Variants in CLEC18A observed in about 807,000 individuals in gnomAD.
CLEC18A encodes the protein mannose receptor-like 1.
Under a neutral mutation model 24.0 loss-of-function variants are expected in CLEC18A, and 5 were observed. The ratio of observed to expected loss-of-function variants is 0.21; its 90% CI spans 0.11 to 0.44. CLEC18A has a LOEUF of 0.44. Ranked by LOEUF, CLEC18A falls within the 20% of genes least tolerant of loss-of-function variation. The pLI is 0.99. For synonymous variants in CLEC18A, 29 were observed against 100.1 expected (o/e 0.29, Z 4.24); for missense variants, 83 against 233.4 (o/e 0.36, Z 4.20).
chr16:69,944,709 G>A, the CLEC18A span, among the ~76,000 whole-genome samples: 3 of 140,708 alleles, frequency 2.1e-5, no homozygotes, highest in African/African-American at 8.4e-5. Flanking sequence ...GGTGGTGGGT[G>A]CCTGTAGTCC....
upstream of CLEC18A, among the ~76,000 whole-genome samples, chr16:69,950,215 C>T (rs552907543): frequency 1.6e-5 from 2 of 125,984 alleles, 1 homozygote; most frequent in Non-Finnish European, 3.8e-5. Flanking sequence ...GCCAACCCTA[C>T]CTGCATCTCA....
upstream of CLEC18A, among the ~76,000 whole-genome samples, chr16:69,950,357 G>C (rs1389116175): frequency 7.8e-6 from 1 of 128,902 alleles, no homozygotes; most frequent in African/African-American, 2.5e-5. Flanking sequence ...ATAACCTTTG[G>C]TCTTCCCCGA....
intron 2 of CLEC18A, chr16:69,953,025 A>G (rs2058975984): frequency 1.4e-5 from 2 of 147,528 alleles, no homozygotes; most frequent in African/African-American, 5.2e-5. Context: ...GTGGTTGGGT[A>G]CTCCTGCCTG....
At chr16:69,955,187 G>C (rs558698882) in intron 3 of CLEC18A, among the ~76,000 whole-genome samples, 9 of 151,780 alleles carry the variant, frequency 5.9e-5, no homozygotes, top group African/African-American at 1.9e-4. Flanking sequence ...ATTTTTAGTA[G>C]AGACAGGGTT....
chr16:69,945,358 G>A, the CLEC18A span, among the ~76,000 whole-genome samples: 1 of 151,938 alleles, frequency 6.6e-6, no homozygotes, highest in Non-Finnish European at 1.5e-5. Context: ...TATATGTCTT[G>A]TCCTTTTTCC....
chr16:69,953,319 C>A (rs2058981851), intron 2 of CLEC18A: 1 of 151,268 alleles, frequency 6.6e-6, no homozygotes, highest in Non-Finnish European at 1.5e-5. Context: ...AGAGGTAAAA[C>A]CCCGATGGAC....
rs1314732193 is a variant in CLEC18A at position 69,963,620 on chromosome 16, C to T, written c.*9C>T. 4 of 1,605,080 alleles carry T rather than the reference C, an allele frequency of 2.5e-6. No individual in the cohort carries two copies. Among genetic ancestry groups the T allele is most frequent in the Non-Finnish European group, 2.6e-6 (3 of 1,176,396 alleles). ...GGGGCCCAGGGTCCTGAGGCCTGAC[C>T]ACATGGCTCCCTCGCCTGCCCTGGG... On this transcript the variant is annotated 3_prime_UTR_variant, in exon 12 of 12. Coordinates refer to ENST00000288040, the MANE Select transcript of CLEC18A (RefSeq NM_001370523.4).
In CLEC18A at chr16:69,951,451, TG is replaced by T. The variant is rs1206620909; in HGVS notation, c.87del (p.Trp29CysfsTer15). ...CCTTGGCACCGCCTGGGCAGAGGTG[TG>T]GCCACCCCAGCTGCAGGAGCAGGCT... is the stretch of plus-strand genomic sequence containing the variant. ...ALLGTAWAEV[W>X]PPQLQEQAPM... On this transcript the variant is annotated frameshift_variant, in exon 1 of 12. Transcript: ENST00000288040. LOFTEE classifies it high-confidence loss of function. 4.3e-6 allele frequency: 7 copies of T among 1,611,258 alleles called. No homozygotes were observed. In the African/African-American group the frequency reaches 8.0e-5, roughly 18 times the overall value.
At chr16:69,954,910 G>A (rs1446351114) in intron 3 of CLEC18A, among the ~76,000 whole-genome samples, 5 of 152,100 alleles carry the variant, frequency 3.3e-5, no homozygotes, top group Non-Finnish European at 5.9e-5. Context: ...ATGTTGGCCA[G>A]GTTGGTCTTG....
chr16:69,948,963 C>T (rs1340597120), upstream of CLEC18A, among the ~76,000 whole-genome samples: 1 of 15,362 alleles, frequency 6.5e-5, no homozygotes, highest in Non-Finnish European at 9.9e-5. Context: ...TTTGAGGGGT[C>T]GGGGGTGGGA....
At chr16:69,957,344 A>C (rs2059052095) in intron 3 of CLEC18A, among the ~76,000 whole-genome samples, 1 of 115,044 alleles carries the variant, frequency 8.7e-6, no homozygotes. Context: ...TGTATTTGTA[A>C]TAGAGATGGG....
the CLEC18A span, among the ~76,000 whole-genome samples, chr16:69,945,169 C>T: frequency 4.7e-5 from 7 of 147,724 alleles, no homozygotes; most frequent in East Asian, 2.0e-4. Context: ...ACGTGCCTAT[C>T]GTCCTACCTG....
At chr16:69,948,682 C>G, upstream of CLEC18A, among the ~76,000 whole-genome samples, 1 of 146,568 alleles carries the variant, frequency 6.8e-6, no homozygotes, top group Non-Finnish European at 1.5e-5. Flanking sequence ...CAAACCCACC[C>G]CAGCCACCGA....
intron 3 of CLEC18A, among the ~76,000 whole-genome samples, chr16:69,954,846 T>C (rs2059012439): frequency 6.6e-6 from 1 of 151,898 alleles, no homozygotes; most frequent in South Asian, 2.1e-4. Context: ...TACAGGCATG[T>C]GCCACCAGGC....
At chr16:69,964,801 C>A (rs1209194683), downstream of CLEC18A, among the ~76,000 whole-genome samples, 1 of 151,490 alleles carries the variant, frequency 6.6e-6, no homozygotes, top group East Asian at 2.0e-4. Flanking sequence ...CCGCGCCCGG[C>A]CCTATTTTTT....
chr16:69,948,509 G>A (rs3927170), upstream of CLEC18A, among the ~76,000 whole-genome samples: 16,824 of 151,618 alleles, frequency 0.11, 3,127 homozygotes, highest in African/African-American at 0.38. Flanking sequence ...GGGAGAAGAG[G>A]TATCAGCTAT....
the CLEC18A span, among the ~76,000 whole-genome samples, chr16:69,945,459 T>G: frequency 2.0e-5 from 3 of 152,388 alleles, no homozygotes; most frequent in African/African-American, 7.2e-5. Flanking sequence ...TTCAAATGTG[T>G]TTTGGTTATT....
At chr16:69,945,218 A>T in the CLEC18A span, among the ~76,000 whole-genome samples, 2 of 148,722 alleles carry the variant, frequency 1.3e-5, no homozygotes. Flanking sequence ...TGAGCCCAGG[A>T]ATTCGAGGCT....
chr16:69,954,548 A>T lies in CLEC18A; in HGVS notation c.431A>T (p.Asn144Ile), dbSNP rs1220530833. The T allele has an allele frequency of 2.4e-5, 38 of 1,611,778 alleles. No individual in the cohort carries two copies. The Admixed American group carries it at 5.8e-4, about 25-fold the overall frequency. Reference sequence around the variant, plus strand: ...CACGCGGCAGGAGAGTGTGCTCGCAACGCCACCTGCACCCACTACACGCAG... The same window carrying T: ...CACGCGGCAGGAGAGTGTGCTCGCATCGCCACCTGCACCCACTACACGCAG... ...YSHAAGECARNATCTHYTQLV... is the reference protein window; with the variant it reads ...YSHAAGECARIATCTHYTQLV... The change falls in exon 3 of 12, where the codon AAC (asparagine) becomes ATC (isoleucine). Residue 144 changes from asparagine (N) to isoleucine (I), a missense_variant. Around this residue, in one of 3 missense-constraint regions of CLEC18A, gnomAD observed 71 missense variants for 107.4 expected, o/e 0.66. Transcript: ENST00000288040.
Sources: gnomAD v4.1 joint callset for allele counts (sites outside exome capture counted in the v4.1 genomes callset) on GRCh38, gnomAD v4.1.1 for gene constraint, gnomAD v4.1.1 regional missense constraint, MANE v1.5 for transcripts, NCBI Gene and HGNC (gene_info 2026-07-23, HGNC 2026-07-21) for gene names.